EDNRA: variants seen among roughly 807,000 people sequenced by gnomAD.
EDNRA encodes the protein endothelin-1 receptor.
In EDNRA, 11 loss-of-function variants were observed where a neutral mutation model predicts 41.4. The ratio of observed to expected loss-of-function variants is 0.27; its 90% CI spans 0.17 to 0.44. The LOEUF (loss-of-function observed/expected upper bound fraction) is 0.44. Among genes scored for constraint, EDNRA ranks in the 20% least tolerant of loss-of-function variants. The probability of loss-of-function intolerance (pLI) is 1.00; values close to 1 mark genes in which losing one functional copy is unlikely to be tolerated. For missense variants in EDNRA, 294 were observed against 531.0 expected, an observed-to-expected ratio of 0.55 and a Z score of 4.39; for synonymous variants, 172 against 183.0, an observed-to-expected ratio of 0.94 and a Z score of 0.49.
intron 5 of EDNRA, among the ~76,000 whole-genome samples, chr4:147,538,608 C>CACAAAATG (rs903998922): frequency 2.6e-5 from 4 of 152,154 alleles, no homozygotes; most frequent in Non-Finnish European, 4.4e-5. Flanking sequence ...TTTCTGGACA[C>CACAAAATG]ACAAAATGAC....
chr4:147,483,361 T>C (rs1262206509), intron 1 of EDNRA, among the ~76,000 whole-genome samples: 1 of 152,198 alleles, frequency 6.6e-6, no homozygotes, highest in Non-Finnish European at 1.5e-5. Flanking sequence ...CCTAAATACT[T>C]CTTCAAGACT....
At chr4:147,533,639 C>T (rs1054812815) in intron 4 of EDNRA, among the ~76,000 whole-genome samples, 2 of 152,166 alleles carry the variant, frequency 1.3e-5, no homozygotes, top group African/African-American at 2.4e-5. Flanking sequence ...GCCAAACTAA[C>T]AACTTAAAAT....
chr4:147,534,344 T>A (rs1281935060), intron 4 of EDNRA, among the ~76,000 whole-genome samples: 2 of 152,218 alleles, frequency 1.3e-5, no homozygotes, highest in Admixed American at 1.3e-4. Flanking sequence ...CTACAGTGTG[T>A]TGGGAACAGG....
chr4:147,543,964 C>T lies in EDNRA; in HGVS notation c.*1346C>T, dbSNP rs535819742. ...CCCAGATGTTTACAGACTGTGAGTACAGCAGAAAATCTTTTACTAGTGTGT... is the reference window on the plus strand; with the variant it reads ...CCCAGATGTTTACAGACTGTGAGTATAGCAGAAAATCTTTTACTAGTGTGT... On this transcript the variant is annotated 3_prime_UTR_variant, in exon 8 of 8. Coordinates refer to ENST00000651419, the MANE Select transcript of EDNRA (RefSeq NM_001957.4). 6.6e-6 allele frequency: 1 copy of T among 152,528 alleles called. No individual in the cohort carries two copies. Among genetic ancestry groups the T allele is most frequent in the South Asian group, 2.1e-4 (1 of 4,828 alleles). 9.4% of individuals were successfully genotyped at this position (152,528 alleles called of 1,614,324 possible).
At chr4:147,523,186 C>T (rs1036817476) in intron 3 of EDNRA, among the ~76,000 whole-genome samples, 3 of 152,172 alleles carry the variant, frequency 2.0e-5, no homozygotes, top group African/African-American at 7.2e-5. Flanking sequence ...TAGTAAATGC[C>T]TCTTATCAGA....
At chr4:147,502,788 G>A (rs960483127) in intron 2 of EDNRA, among the ~76,000 whole-genome samples, 1 of 152,158 alleles carries the variant, frequency 6.6e-6, no homozygotes, top group Non-Finnish European at 1.5e-5. Flanking sequence ...GTGATAACAT[G>A]TCTGTAGCTT....
rs1489088928 is a variant in EDNRA at position 147,540,437 on chromosome 4, C to T, written c.1095C>T (p.Asn365=). ...INLATMNSCI[N]PIALYFVSKK... ...TGGCAACCATGAATTCATGTATAAA[C>T]CCCATAGCTCTGTATTTTGTGAGCA... The change falls in exon 7 of 8, where the codon AAC becomes AAT. Residue 365 remains asparagine (N), a synonymous_variant. Coordinates refer to ENST00000651419, the MANE Select transcript of EDNRA (RefSeq NM_001957.4). The T allele has an allele frequency of 1.2e-6, 2 of 1,613,356 alleles. No homozygotes were observed. Among genetic ancestry groups the T allele is most frequent in the Non-Finnish European group, 1.7e-6 (2 of 1,179,842 alleles).
At chr4:147,484,261 A>T (rs1267017141) in intron 1 of EDNRA, among the ~76,000 whole-genome samples, 5 of 152,058 alleles carry the variant, frequency 3.3e-5, no homozygotes, top group Non-Finnish European at 7.4e-5. Context: ...AAGTGACTTA[A>T]AAATAAATAA....
intron 2 of EDNRA, among the ~76,000 whole-genome samples, chr4:147,502,600 A>G (rs948957757): frequency 6.9e-6 from 1 of 144,004 alleles, no homozygotes; most frequent in Non-Finnish European, 1.5e-5. Flanking sequence ...TATGAATTGA[A>G]GTAGCTAAGT....
At position 147,485,987 on chromosome 4, in the gene EDNRA, C is replaced by T. The variant is rs1728933656; in HGVS notation, c.306C>T (p.Leu102=). ...IVGMVGNATL[L]RIIYQNKCMR... ...GAATGGTGGGGAATGCAACTCTGCT[C>T]AGGATCATTTACCAGAACAAATGTA... Residue 102 remains leucine (L), a synonymous_variant, in exon 2 of 8, where the codon CTC becomes CTT. Transcript: ENST00000651419. 4 of 1,614,240 alleles carry T rather than the reference C, an allele frequency of 2.5e-6. No individual in the cohort carries two copies. The highest frequency in any genetic ancestry group is 4.5e-5 in the East Asian group (2 of 44,890).
At chr4:147,536,659 C>T (rs1413229472) in intron 5 of EDNRA, among the ~76,000 whole-genome samples, 2 of 152,136 alleles carry the variant, frequency 1.3e-5, no homozygotes, top group African/African-American at 4.8e-5. Flanking sequence ...ATGAACCTCT[C>T]TAGAGCAATG....
intron 3 of EDNRA, among the ~76,000 whole-genome samples, chr4:147,525,600 A>G (rs1442092073): frequency 6.6e-6 from 1 of 151,140 alleles, no homozygotes; most frequent in Non-Finnish European, 1.5e-5. Context: ...GGAGGCAAAA[A>G]AAAAAAAAGC....
chr4:147,506,834 C>T (rs1300728323), intron 2 of EDNRA: 1 of 175,732 alleles, frequency 5.7e-6, no homozygotes, highest in Non-Finnish European at 1.3e-5. Context: ...TACTGGAAGG[C>T]TTGAACACCG....
At chr4:147,506,431 C>A in intron 2 of EDNRA, 1 of 395,214 alleles carries the variant, frequency 2.5e-6, no homozygotes, top group South Asian at 2.2e-5. Context: ...GAGGAATCTT[C>A]CAAACCTGTA....
At chr4:147,521,384 A>T (rs1156959191) in intron 3 of EDNRA, among the ~76,000 whole-genome samples, 1 of 152,202 alleles carries the variant, frequency 6.6e-6, no homozygotes, top group African/African-American at 2.4e-5. Flanking sequence ...GATTTGTAGG[A>T]AAGTCTAGGG....
chr4:147,493,646 T>G (rs13142627), intron 2 of EDNRA: 4 of 152,172 alleles, frequency 2.6e-5, no homozygotes, highest in Non-Finnish European at 4.4e-5. Flanking sequence ...GGTCTAGTTT[T>G]TATTGGAAAA....
In EDNRA at chr4:147,542,617, G is replaced by T; in HGVS notation, c.1283G>T (p.Ter428LeuextTer23). The T allele has an allele frequency of 1.2e-6, 2 of 1,613,634 alleles. No individual in the cohort carries two copies. Among genetic ancestry groups the T allele is most frequent in the South Asian group, 2.2e-5 (2 of 90,982 alleles). ...DRSSHKDSMN[*>L] ...AGCAGCCATAAGGACAGCATGAACT[G>T]ACCACCCTTAGAAGCACTCCTCGGT... The change falls in exon 8 of 8, where the codon TGA becomes TTA. Residue 428 changes from the stop codon to leucine (L), a stop_lost. Transcript: ENST00000651419.
intron 1 of EDNRA, among the ~76,000 whole-genome samples, chr4:147,481,585 C>T (rs6855875): frequency 0.27 from 40,548 of 152,204 alleles, 6,391 homozygotes; most frequent in African/African-American, 0.44. Flanking sequence ...GTGAGGGGTG[C>T]GCTGCGGACA....
intron 7 of EDNRA, among the ~76,000 whole-genome samples, chr4:147,540,997 G>GGT (rs1731082034): frequency 6.8e-6 from 1 of 146,858 alleles, no homozygotes; most frequent in Non-Finnish European, 1.5e-5. Flanking sequence ...GAACCCAAGA[G>GGT]GTGGAGCTTG....
Sources: gnomAD v4.1 joint callset for allele counts (sites outside exome capture counted in the v4.1 genomes callset) on GRCh38, gnomAD v4.1.1 for gene constraint, MANE v1.5 for transcripts, NCBI Gene and HGNC (gene_info 2026-07-23, HGNC 2026-07-21) for gene names.